Variants in ADAMTS12 observed in about 807,000 individuals in gnomAD.
ADAMTS12 encodes the protein A disintegrin and metalloproteinase with thrombospondin motifs 12.
ADAMTS12 carries 118 observed loss-of-function variants against 167.8 expected under a neutral mutation model. The ratio of observed to expected loss-of-function variants is 0.70; its 90% CI spans 0.61 to 0.82. ADAMTS12 has a LOEUF of 0.82. Among genes scored for constraint, ADAMTS12 ranks in the 40% least tolerant of loss-of-function variants. The pLI is 0.00. For missense variants in ADAMTS12, 1,916 were observed against 1,998.8 expected (o/e 0.96, Z 0.79); for synonymous variants, 704 against 716.9 (o/e 0.98, Z 0.29).
chr5:33,603,507 A>G lies in ADAMTS12; in HGVS notation c.2528-7447T>C, dbSNP rs560495255. On this transcript the variant is annotated intron_variant, in intron 16 of 23. Transcript: ENST00000504830. ...GGAGTAGTCAGTCCTAAATTCCCCT[A>G]AAGTCAGAGCGTCACTCTCCATGGT... The G allele has an allele frequency of 3.3e-5, 5 of 152,316 alleles. No homozygotes were observed. In the South Asian group the frequency reaches 8.3e-4, roughly 25 times the overall value. 9.4% of individuals were successfully genotyped at this position (152,316 alleles called of 1,614,324 possible). A position where few individuals can be genotyped will look rare whatever the true frequency, so the allele number is the denominator to read the frequency against.
intron 12 of ADAMTS12, among the ~76,000 whole-genome samples, chr5:33,636,785 A>G (rs1740219168): frequency 6.6e-6 from 1 of 152,170 alleles, no homozygotes. Flanking sequence ...CTCAGATAAC[A>G]ACAAACAACA....
chr5:33,610,989 C>A (rs1488104273), intron 16 of ADAMTS12, among the ~76,000 whole-genome samples: 1 of 152,028 alleles, frequency 6.6e-6, no homozygotes, highest in Non-Finnish European at 1.5e-5. Flanking sequence ...TCGCTCGAAC[C>A]CAGAGGTAGA....
intron 2 of ADAMTS12, among the ~76,000 whole-genome samples, chr5:33,869,585 G>A (rs766231360): frequency 3.9e-5 from 6 of 152,100 alleles, no homozygotes; most frequent in South Asian, 2.1e-4. Context: ...CCCCTGAGCC[G>A]CAAAACCAGT....
At chr5:33,707,663 T>A in intron 3 of ADAMTS12, among the ~76,000 whole-genome samples, 1 of 152,082 alleles carries the variant, frequency 6.6e-6, no homozygotes, top group East Asian at 1.9e-4. Flanking sequence ...TCTACAACCA[T>A]CTGATCTTTG....
At chr5:33,778,834 T>A (rs1746011810) in intron 2 of ADAMTS12, among the ~76,000 whole-genome samples, 1 of 151,882 alleles carries the variant, frequency 6.6e-6, no homozygotes, top group Non-Finnish European at 1.5e-5. Flanking sequence ...AGAAAATGAA[T>A]AACTCAATTA....
At chr5:33,718,601 A>G (rs1451735706) in intron 3 of ADAMTS12, among the ~76,000 whole-genome samples, 1 of 152,056 alleles carries the variant, frequency 6.6e-6, no homozygotes, top group Non-Finnish European at 1.5e-5. Context: ...CCATGAAATC[A>G]GTCCTTGATG....
chr5:33,698,833 T>C (rs112961564), intron 3 of ADAMTS12, among the ~76,000 whole-genome samples: 31 of 151,826 alleles, frequency 2.0e-4, no homozygotes, highest in Non-Finnish European at 4.4e-5. Context: ...CTTTTGGAAA[T>C]AAACTCAATT....
At chr5:33,847,572 G>A (rs529499551) in intron 2 of ADAMTS12, among the ~76,000 whole-genome samples, 5 of 151,800 alleles carry the variant, frequency 3.3e-5, no homozygotes, top group East Asian at 1.9e-4. Context: ...GTGGTGAGCC[G>A]AGATCGCGCC....
intron 1 of ADAMTS12, among the ~76,000 whole-genome samples, chr5:33,890,341 G>A (rs1251861332): frequency 2.0e-5 from 3 of 152,154 alleles, no homozygotes; most frequent in Non-Finnish European, 2.9e-5. Context: ...TTTAAACTTG[G>A]GGGTGGGAGA....
intron 17 of ADAMTS12, among the ~76,000 whole-genome samples, chr5:33,593,948 A>G (rs1747776310): frequency 6.6e-6 from 1 of 152,212 alleles, no homozygotes; most frequent in Non-Finnish European, 1.5e-5. Context: ...TCAGAGTAAT[A>G]CCCATACCCT....
chr5:33,777,016 GA>G (rs1475565465), intron 2 of ADAMTS12, among the ~76,000 whole-genome samples: 1 of 152,050 alleles, frequency 6.6e-6, no homozygotes, highest in Admixed American at 6.6e-5. Context: ...GTGAATAAGG[GA>G]TTGAATCAGA....
chr5:33,870,571 A>G (rs185406595), intron 2 of ADAMTS12, among the ~76,000 whole-genome samples: 2 of 152,300 alleles, frequency 1.3e-5, no homozygotes, highest in East Asian at 3.9e-4. Flanking sequence ...ACTGTTGAGA[A>G]GGGATGATAG....
At chr5:33,685,308 G>A (rs1015324901) in intron 3 of ADAMTS12, among the ~76,000 whole-genome samples, 3 of 152,194 alleles carry the variant, frequency 2.0e-5, no homozygotes, top group Admixed American at 6.5e-5. Flanking sequence ...GGAAATTCTC[G>A]ACTGCATTGA....
At chr5:33,873,957 T>C (rs1750132868) in intron 2 of ADAMTS12, among the ~76,000 whole-genome samples, 1 of 152,106 alleles carries the variant, frequency 6.6e-6, no homozygotes, top group Non-Finnish European at 1.5e-5. Flanking sequence ...ATGTACAATA[T>C]AAAACTCTAA....
At chr5:33,672,305 C>T (rs921316118) in intron 5 of ADAMTS12, among the ~76,000 whole-genome samples, 3 of 150,228 alleles carry the variant, frequency 2.0e-5, no homozygotes, top group Non-Finnish European at 4.5e-5. Context: ...CCCACATACT[C>T]ATATACACAC....
intron 9 of ADAMTS12, 43 bp downstream of exon 9, chr5:33,648,779 G>A: frequency 1.2e-6 from 2 of 1,609,542 alleles, no homozygotes; most frequent in South Asian, 2.2e-5. Flanking sequence ...CAGCATGCTG[G>A]AGATCTGAAG....
chr5:33,557,592 T>C (rs1016980613), intron 20 of ADAMTS12, among the ~76,000 whole-genome samples: 1 of 152,062 alleles, frequency 6.6e-6, no homozygotes, highest in East Asian at 1.9e-4. Context: ...AGTGGGCCAC[T>C]GCACTCCAGC....
At chr5:33,854,098 T>A (rs2910631) in intron 2 of ADAMTS12, among the ~76,000 whole-genome samples, 3,055 of 152,260 alleles carry the variant, frequency 0.02, 146 homozygotes, top group East Asian at 0.2. Flanking sequence ...AAATCAGTCA[T>A]CTTATACTGA....
At chr5:33,740,992 T>A (rs1256213106) in intron 3 of ADAMTS12, among the ~76,000 whole-genome samples, 2 of 152,220 alleles carry the variant, frequency 1.3e-5, no homozygotes, top group Admixed American at 1.3e-4. Flanking sequence ...CTCAAAGCAC[T>A]ACACCCCAAG....
Sources: allele counts gnomAD v4.1 joint callset (sites outside exome capture counted in the v4.1 genomes callset), GRCh38; gene constraint gnomAD v4.1.1; transcripts MANE v1.5; gene names NCBI Gene and HGNC (gene_info 2026-07-23, HGNC 2026-07-21).